The following SMIM14 variants were observed in gnomAD, a reference collection of about 807,000 sequenced individuals.
SMIM14 encodes chromosome 4 open reading frame 34.
A neutral mutation model predicts 12.6 loss-of-function variants in SMIM14; 5 were observed. The ratio of observed to expected loss-of-function variants is 0.40; its 90% CI spans 0.21 to 0.83. The LOEUF is 0.83. Ranked by LOEUF, SMIM14 falls within the 40% of genes least tolerant of loss-of-function variation. The probability of loss-of-function intolerance (pLI) is 0.37; values close to 1 mark genes in which losing one functional copy is unlikely to be tolerated. For missense variants in SMIM14, 86 were observed against 119.1 expected (o/e 0.72, Z 1.29); for synonymous variants, 30 against 40.1 (o/e 0.75, Z 0.95).
At chr4:39,584,489 A>AAAAAAAAAAAAAAAAAAAAAC in intron 2 of SMIM14, among the ~76,000 whole-genome samples, 1 of 138,364 alleles carries the variant, frequency 7.2e-6, no homozygotes, top group Non-Finnish European at 1.6e-5. Flanking sequence ...CTCAAAAAAA[A>AAAAAAAAAAAAAAAAAAAAAC]AAAAAAAAAA....
intron 1 of SMIM14, among the ~76,000 whole-genome samples, chr4:39,626,872 C>T (rs1435741343): frequency 6.6e-6 from 1 of 152,134 alleles, no homozygotes; most frequent in Non-Finnish European, 1.5e-5. Context: ...AAGATTCATC[C>T]CCCAGGTGGC....
intron 1 of SMIM14, among the ~76,000 whole-genome samples, chr4:39,628,016 C>T (rs566865253): frequency 1.3e-5 from 2 of 152,022 alleles, no homozygotes; most frequent in Non-Finnish European, 2.9e-5. Context: ...ATTTTTTAAT[C>T]CTAAAAAAAA....
Position 39,548,658 on chromosome 4 carries a change from A to T in SMIM14, c.*3468T>A, listed in dbSNP as rs1305562527. 1 of 152,198 alleles carries T rather than the reference A, an allele frequency of 6.6e-6. No homozygotes were observed. The highest frequency in any genetic ancestry group is 1.9e-4 in the East Asian group (1 of 5,208). The allele number at this position is 152,198 out of a possible 1,614,324, so 9.4% of individuals were successfully genotyped here. ...ATAATGATTTAAGAGTGTGCTCAATAAAAAGGCCATAGGTTTAAGAATTAA... is the reference window on the plus strand; with the variant it reads ...ATAATGATTTAAGAGTGTGCTCAATTAAAAGGCCATAGGTTTAAGAATTAA... On this transcript the variant is annotated 3_prime_UTR_variant, in exon 5 of 5. Coordinates refer to ENST00000295958, the MANE Select transcript of SMIM14 (RefSeq NM_174921.3).
chr4:39,575,239 T>G (rs1713110885), intron 2 of SMIM14, among the ~76,000 whole-genome samples: 1 of 152,016 alleles, frequency 6.6e-6, no homozygotes. Flanking sequence ...GATGGGATTT[T>G]ATCATATTGC....
At chr4:39,594,638 T>G (rs1296889836) in intron 2 of SMIM14, 2 of 147,104 alleles carry the variant, frequency 1.4e-5, no homozygotes, top group African/African-American at 5.0e-5. Flanking sequence ...GGGAGAAAAT[T>G]TTTGCAACCT....
At chr4:39,569,450 C>T (rs1712769638) in intron 3 of SMIM14, among the ~76,000 whole-genome samples, 1 of 152,212 alleles carries the variant, frequency 6.6e-6, no homozygotes, top group South Asian at 2.1e-4. Context: ...GGCAGCTCTG[C>T]TTCAGAGATG....
At chr4:39,566,850 C>T (rs1365471637) in intron 3 of SMIM14, among the ~76,000 whole-genome samples, 1 of 152,098 alleles carries the variant, frequency 6.6e-6, no homozygotes, top group Non-Finnish European at 1.5e-5. Flanking sequence ...ACCTGTAGTC[C>T]CAGCTACTCG....
At chr4:39,614,325 CTT>C (rs879697540) in intron 1 of SMIM14, among the ~76,000 whole-genome samples, 3 of 144,916 alleles carry the variant, frequency 2.1e-5, no homozygotes, top group Admixed American at 6.9e-5. Context: ...TCCTATGCTA[CTT>C]TTTTTTTTTT....
intron 1 of SMIM14, chr4:39,638,211 G>A (rs1716176704): frequency 6.6e-6 from 1 of 152,572 alleles, no homozygotes. Context: ...CAGAAAAAGG[G>A]GATCCTTTAA....
intron 2 of SMIM14, among the ~76,000 whole-genome samples, chr4:39,579,588 A>C (rs1379400038): frequency 6.6e-6 from 1 of 151,852 alleles, no homozygotes; most frequent in Admixed American, 6.6e-5. Flanking sequence ...CATGCTTGTA[A>C]TCCCAGCGCT....
intron 3 of SMIM14, among the ~76,000 whole-genome samples, chr4:39,568,509 G>A (rs983135333): frequency 2.0e-5 from 3 of 151,488 alleles, no homozygotes. Flanking sequence ...TACAACTACA[G>A]AAATAAAAGG....
chr4:39,580,669 G>A (rs1713450586), intron 2 of SMIM14, among the ~76,000 whole-genome samples: 2 of 152,060 alleles, frequency 1.3e-5, no homozygotes, highest in Admixed American at 1.3e-4. Flanking sequence ...TGGGATTACA[G>A]GTGTGTGCCA....
intron 2 of SMIM14, chr4:39,593,543 G>C (rs1200259150): frequency 6.6e-6 from 1 of 152,188 alleles, no homozygotes; most frequent in Admixed American, 6.6e-5. Context: ...AGTGTTGGAA[G>C]TTCTGGCCAG....
chr4:39,578,570 A>G (rs1713325004), intron 2 of SMIM14, among the ~76,000 whole-genome samples: 1 of 152,178 alleles, frequency 6.6e-6, no homozygotes, highest in African/African-American at 2.4e-5. Flanking sequence ...TGGACAGTTT[A>G]CTGACAGTAG....
chr4:39,558,064 T>C lies in SMIM14; in HGVS notation c.125-1494A>G, dbSNP rs1350814728. 6.6e-6 allele frequency among the ~76,000 whole-genome samples: 1 copy of C among 152,244 alleles called. No individual in the cohort carries two copies. Among genetic ancestry groups the C allele is most frequent in the Non-Finnish European group, 1.5e-5 (1 of 68,036 alleles). ...ATCAGTTTTTCCTGGTTCCTTGACA[T>C]AGCCACGTCTTATTTAATTTGAAAT... On this transcript the variant is annotated intron_variant, in intron 3 of 4. Transcript: ENST00000295958. The surrounding 1 kb of genome is among the most constrained non-coding windows in gnomAD (Gnocchi z 4.3).
intron 2 of SMIM14, among the ~76,000 whole-genome samples, chr4:39,577,048 T>A (rs1713234344): frequency 6.6e-6 from 1 of 151,866 alleles, no homozygotes; most frequent in Non-Finnish European, 1.5e-5. Context: ...GGAATAGGAA[T>A]ATTTTTTCCA....
chr4:39,602,567 C>A (rs557134239), intron 2 of SMIM14, among the ~76,000 whole-genome samples: 8 of 152,288 alleles, frequency 5.3e-5, no homozygotes, highest in Admixed American at 3.3e-4. Flanking sequence ...TGTACTCCAG[C>A]CTGGGCAACA....
chr4:39,638,358 G>C (rs1022475427), intron 1 of SMIM14: 1 of 597,350 alleles, frequency 1.7e-6, no homozygotes, highest in African/African-American at 2.0e-5. Flanking sequence ...AAACAAGATA[G>C]TGTGGATTTC....
chr4:39,611,105 G>A (rs1275379903), intron 1 of SMIM14, among the ~76,000 whole-genome samples: 1 of 152,158 alleles, frequency 6.6e-6, no homozygotes, highest in Non-Finnish European at 1.5e-5. Flanking sequence ...CAACCTAGAA[G>A]AAAAGTGAGC....
Sources: gnomAD v4.1 joint callset for allele counts (sites outside exome capture counted in the v4.1 genomes callset) on GRCh38, gnomAD v4.1.1 for gene constraint, Gnocchi (gnomAD v3.1) non-coding constraint, MANE v1.5 for transcripts, NCBI Gene and HGNC (gene_info 2026-07-23, HGNC 2026-07-21) for gene names.